The following ILRUN variants were observed in gnomAD, a reference collection of about 807,000 sequenced individuals.
The protein encoded by ILRUN is inflammation and lipid regulator with UBA-like and NBR1-like domains, also known as protein ILRUN.
Under a neutral mutation model 33.8 loss-of-function variants are expected in ILRUN, and 3 were observed. That is an observed-to-expected ratio of 0.09 (90% CI 0.04 to 0.23). The LOEUF (loss-of-function observed/expected upper bound fraction) is 0.23. ILRUN is among the 10% of genes least tolerant of loss of function. ILRUN has a pLI of 1.00. For synonymous variants in ILRUN, 124 were observed against 138.9 expected (o/e 0.89, Z 0.75); for missense variants, 210 against 375.1 (o/e 0.56, Z 3.64).
intron 4 of ILRUN, among the ~76,000 whole-genome samples, chr6:34,598,066 T>C (rs943576777): frequency 1.3e-5 from 2 of 152,236 alleles, no homozygotes; most frequent in African/African-American, 4.8e-5. Flanking sequence ...CACATCTACG[T>C]TATCAGATAG....
At chr6:34,667,883 T>A (rs1763036631) in intron 1 of ILRUN, among the ~76,000 whole-genome samples, 1 of 152,050 alleles carries the variant, frequency 6.6e-6, no homozygotes, top group Non-Finnish European at 1.5e-5. Flanking sequence ...AAAGATAACA[T>A]AAGATCCCTG....
At chr6:34,685,686 C>A (rs1054581990) in intron 1 of ILRUN, 14 of 152,140 alleles carry the variant, frequency 9.2e-5, no homozygotes, top group African/African-American at 3.4e-4. Context: ...GCCAACAGAA[C>A]ATTCATAAGT....
chr6:34,602,115 CTTTT>C (rs951674684), intron 4 of ILRUN, among the ~76,000 whole-genome samples: 1 of 148,934 alleles, frequency 6.7e-6, no homozygotes, highest in Non-Finnish European at 1.5e-5. Flanking sequence ...GCCTCGAACA[CTTTT>C]TTTTTTAAAG....
At chr6:34,599,916 TTTTACATCCC>T (rs996335271) in intron 4 of ILRUN, among the ~76,000 whole-genome samples, 1 of 152,236 alleles carries the variant, frequency 6.6e-6, no homozygotes, top group African/African-American at 2.4e-5. Context: ...CTTTCTTCTC[TTTTACATCCC>T]CTTCCAACCT....
At chr6:34,676,069 C>A (rs1182703355) in intron 1 of ILRUN, among the ~76,000 whole-genome samples, 10 of 152,096 alleles carry the variant, frequency 6.6e-5, no homozygotes, top group Non-Finnish European at 1.5e-4. Flanking sequence ...AAACAAAAAA[C>A]ATGCTATCCA....
intron 3 of ILRUN, among the ~76,000 whole-genome samples, chr6:34,621,016 T>C (rs1762001635): frequency 6.6e-6 from 1 of 152,180 alleles, no homozygotes; most frequent in Non-Finnish European, 1.5e-5. Flanking sequence ...ACCACCTCCA[T>C]CAAGATCATG....
At chr6:34,647,607 T>G (rs1367929880) in intron 2 of ILRUN, among the ~76,000 whole-genome samples, 1 of 152,120 alleles carries the variant, frequency 6.6e-6, no homozygotes, top group African/African-American at 2.4e-5. Context: ...TCGCCTGGAC[T>G]GGAGTACAAT....
chr6:34,643,864 G>A (rs1199099498), intron 3 of ILRUN, among the ~76,000 whole-genome samples: 1 of 152,084 alleles, frequency 6.6e-6, no homozygotes, highest in Non-Finnish European at 1.5e-5. Context: ...CAACTGCCCG[G>A]CTAATTTTTG....
At chr6:34,650,379 T>C (rs892331434) in intron 2 of ILRUN, among the ~76,000 whole-genome samples, 4 of 151,490 alleles carry the variant, frequency 2.6e-5, no homozygotes, top group African/African-American at 9.7e-5. Flanking sequence ...ACTTAAAAAA[T>C]ATTAGGAGCT....
chr6:34,693,199 T>A (rs2127392517), intron 1 of ILRUN, among the ~76,000 whole-genome samples: 1 of 152,338 alleles, frequency 6.6e-6, no homozygotes, highest in Non-Finnish European at 1.5e-5. Flanking sequence ...CTGCTTTTAG[T>A]TCACAAATGA....
rs1031226451 is a variant in ILRUN, at chr6:34,696,690, T to C, written c.-87A>G. On this transcript the variant is annotated 5_prime_UTR_variant, in exon 1 of 5. Transcript: ENST00000374023. Reference sequence around the variant, plus strand: ...GCCCGGGGACCTGGAGGGGGGCCGCTGCTAGCTAGCTTCGCGACCCCGCTC... The same window carrying C: ...GCCCGGGGACCTGGAGGGGGGCCGCCGCTAGCTAGCTTCGCGACCCCGCTC... 2.1e-6 allele frequency: 3 copies of C among 1,457,306 alleles called. No individual in the cohort carries two copies. The African/African-American group carries it at 4.2e-5, about 21-fold the overall frequency. The allele number at this position is 1,457,306 out of a possible 1,614,324, so 90.3% of individuals were successfully genotyped here.
intron 4 of ILRUN, among the ~76,000 whole-genome samples, chr6:34,596,883 A>C (rs1420720181): frequency 6.6e-6 from 1 of 152,140 alleles, no homozygotes; most frequent in African/African-American, 2.4e-5. Context: ...GTTGCTCTTA[A>C]CTAACCTCTA....
At chr6:34,677,044 C>T (rs978538249) in intron 1 of ILRUN, among the ~76,000 whole-genome samples, 1 of 150,896 alleles carries the variant, frequency 6.6e-6, no homozygotes, top group African/African-American at 2.4e-5. Flanking sequence ...CAGTGGCTCA[C>T]ATCTATAATC....
At chr6:34,671,289 C>T (rs1000180333) in intron 1 of ILRUN, among the ~76,000 whole-genome samples, 5 of 151,970 alleles carry the variant, frequency 3.3e-5, no homozygotes, top group African/African-American at 1.2e-4. Context: ...AGGAGGCTGA[C>T]GCGGGGGTAT....
At chr6:34,636,823 G>A (rs1200900968) in intron 3 of ILRUN, among the ~76,000 whole-genome samples, 1 of 152,082 alleles carries the variant, frequency 6.6e-6, no homozygotes, top group Non-Finnish European at 1.5e-5. Flanking sequence ...GTCTGATCTA[G>A]GGGCAAGTGC....
At chr6:34,618,848 C>G (rs1299883695) in intron 3 of ILRUN, among the ~76,000 whole-genome samples, 1 of 152,172 alleles carries the variant, frequency 6.6e-6, no homozygotes, top group Non-Finnish European at 1.5e-5. Flanking sequence ...TGTATTCATT[C>G]AATACCAAGG....
At chr6:34,602,578 C>G (rs758940529) in intron 4 of ILRUN, among the ~76,000 whole-genome samples, 14 of 152,154 alleles carry the variant, frequency 9.2e-5, no homozygotes, top group Non-Finnish European at 1.9e-4. Context: ...CTAACTTGAT[C>G]GTCAGATGCT....
intron 3 of ILRUN, among the ~76,000 whole-genome samples, chr6:34,641,095 A>AT (rs1762467255): frequency 6.6e-6 from 1 of 151,540 alleles, no homozygotes; most frequent in Non-Finnish European, 1.5e-5. Context: ...AAAAAAAAAA[A>AT]AACAAATTAT....
At chr6:34,605,425 C>T (rs1561998657) in intron 4 of ILRUN, among the ~76,000 whole-genome samples, 1 of 151,022 alleles carries the variant, frequency 6.6e-6, no homozygotes, top group South Asian at 2.1e-4. Context: ...ATCAGGAGTT[C>T]GAGACCAGCC....
Sources: gnomAD v4.1 joint callset for allele counts (sites outside exome capture counted in the v4.1 genomes callset) on GRCh38, gnomAD v4.1.1 for gene constraint, MANE v1.5 for transcripts, NCBI Gene and HGNC (gene_info 2026-07-23, HGNC 2026-07-21) for gene names.